The following AGBL1 variants were observed in gnomAD, a reference collection of about 807,000 sequenced individuals.
AGBL1 encodes AGBL carboxypeptidase 1.
A neutral mutation model predicts 118.9 loss-of-function variants in AGBL1; 130 were observed. The ratio of observed to expected loss-of-function variants is 1.09; its 90% CI spans 0.95 to 1.26. AGBL1 has a LOEUF of 1.26. Ranked by LOEUF, AGBL1 falls within the 50% of genes most tolerant of loss-of-function variation. The pLI is 0.00. For missense variants in AGBL1, 1,584 were observed against 1,298.1 expected (o/e 1.22, Z -3.38); for synonymous variants, 555 against 478.9 (o/e 1.16, Z -2.08).
chr15:86,817,039 C>T lies in AGBL1; in HGVS notation c.3159-90048C>T, dbSNP rs534487179. On this transcript the variant is annotated intron_variant, in intron 22 of 22. Coordinates refer to ENST00000614907, the MANE Select transcript of AGBL1 (RefSeq NM_001386094.1). ...CTCTTAAGCCTAAAACAAGGCATGG[C>T]GCTTTGGGAAGCTGAGGTGGGTAGA... Among the ~76,000 whole-genome samples, 5 of 152,086 alleles carry T rather than the reference C, an allele frequency of 3.3e-5. No homozygotes were observed. The East Asian group carries it at 5.8e-4, about 18-fold the overall frequency.
intron 22 of AGBL1, among the ~76,000 whole-genome samples, chr15:86,858,752 T>A (rs541103133): frequency 6.6e-6 from 1 of 152,200 alleles, no homozygotes; most frequent in East Asian, 1.9e-4. Flanking sequence ...TCATGAAGAA[T>A]CAGGAAACTT....
intron 22 of AGBL1, among the ~76,000 whole-genome samples, chr15:86,784,806 C>T (rs944524004): frequency 4.6e-5 from 7 of 152,102 alleles, no homozygotes; most frequent in Non-Finnish European, 1.0e-4. Context: ...TCCTACAAGG[C>T]ATTAGGTTCT....
intron 19 of AGBL1, among the ~76,000 whole-genome samples, chr15:86,535,452 C>T (rs2083412263): frequency 6.6e-6 from 1 of 152,226 alleles, no homozygotes; most frequent in Non-Finnish European, 1.5e-5. Context: ...TGCCATATTG[C>T]AGCTGGCCTG....
chr15:86,264,162 C>G, intron 10 of AGBL1, 96 bp from the exon 11 acceptor site: 1 of 1,043,142 alleles, frequency 9.6e-7, no homozygotes, highest in South Asian at 1.7e-5. Context: ...AGGATTTATG[C>G]TTAGCTCTGT....
intron 22 of AGBL1, among the ~76,000 whole-genome samples, chr15:86,802,325 G>A (rs575577608): frequency 4.1e-4 from 62 of 151,694 alleles, no homozygotes; most frequent in African/African-American, 1.4e-3. Context: ...ATTCTTGATG[G>A]CAGGGAATAT....
intron 1 of AGBL1, among the ~76,000 whole-genome samples, chr15:86,129,285 G>A (rs551476302): frequency 1.8e-4 from 28 of 152,234 alleles, no homozygotes; most frequent in Admixed American, 3.9e-4. Flanking sequence ...GTGTGTGTGC[G>A]TTTGTGTGTA....
intron 6 of AGBL1, among the ~76,000 whole-genome samples, chr15:86,245,611 T>C (rs1469607031): frequency 6.6e-6 from 1 of 152,224 alleles, no homozygotes; most frequent in Non-Finnish European, 1.5e-5. Context: ...AGAGGTATCT[T>C]GGACTGTTCT....
At position 86,369,997 on chromosome 15, in the gene AGBL1, G is replaced by A. The variant is rs190330259; in HGVS notation, c.2375-27369G>A. On this transcript the variant is annotated intron_variant, in intron 17 of 22. Transcript: ENST00000614907. ...CCGGGTCACAGAAGAAAAATTATCA[G>A]CAATTTAAAAAATCAATCACCGGTT... Among the ~76,000 whole-genome samples the A allele has an allele frequency of 1.4e-4, 21 of 152,154 alleles. 1 individual carries two copies. In the East Asian group the frequency reaches 3.7e-3, roughly 27 times the overall value.
At chr15:86,578,171 G>T (rs1050588345) in intron 21 of AGBL1, among the ~76,000 whole-genome samples, 1 of 152,210 alleles carries the variant, frequency 6.6e-6, no homozygotes, top group Non-Finnish European at 1.5e-5. Context: ...GTGCAGAGCT[G>T]CCCAAGACCA....
rs2141652665 is a variant in AGBL1, at chr15:86,143,692, C to T, written c.116-7C>T. 1 of 1,612,460 alleles carries T rather than the reference C, an allele frequency of 6.2e-7. No individual in the cohort carries two copies. The highest frequency in any genetic ancestry group is 1.1e-5 in the South Asian group (1 of 90,854). Reference sequence around the variant, plus strand: ...TGTGGCTCATCTTTCCTCCGGTTTCCCCTCAGGCACAGACCGGAGAATTCA... The same window carrying T: ...TGTGGCTCATCTTTCCTCCGGTTTCTCCTCAGGCACAGACCGGAGAATTCA... On this transcript the variant is annotated splice_region_variant and splice_polypyrimidine_tract_variant and intron_variant, in intron 2 of 22. Transcript: ENST00000614907.
intron 17 of AGBL1, among the ~76,000 whole-genome samples, chr15:86,378,712 C>A (rs2081071789): frequency 6.6e-6 from 1 of 151,996 alleles, no homozygotes; most frequent in Non-Finnish European, 1.5e-5. Context: ...ACCCATTTCA[C>A]AGCTGAACAA....
chr15:87,001,628 C>T (rs893928039), intron 24 of AGBL1, among the ~76,000 whole-genome samples: 5 of 152,068 alleles, frequency 3.3e-5, no homozygotes, highest in African/African-American at 1.2e-4. Context: ...TCTCCACATC[C>T]TCTCCAGCAC....
intron 22 of AGBL1, among the ~76,000 whole-genome samples, chr15:86,810,994 T>C (rs543283849): frequency 2.6e-5 from 4 of 152,174 alleles, no homozygotes; most frequent in Non-Finnish European, 5.9e-5. Context: ...GAGCAAAGTC[T>C]CAAGAGATTG....
At chr15:86,413,258 C>T (rs888666746) in intron 18 of AGBL1, among the ~76,000 whole-genome samples, 1 of 152,130 alleles carries the variant, frequency 6.6e-6, no homozygotes, top group Admixed American at 6.6e-5. Context: ...GAAGTCCAGG[C>T]CTAAAACTTT....
At chr15:86,150,814 C>G (rs2077097597) in intron 3 of AGBL1, among the ~76,000 whole-genome samples, 1 of 152,086 alleles carries the variant, frequency 6.6e-6, no homozygotes, top group South Asian at 2.1e-4. Flanking sequence ...AGAGACACAA[C>G]AAAAAGAATT....
At chr15:86,579,288 G>T (rs2084140984) in intron 21 of AGBL1, among the ~76,000 whole-genome samples, 1 of 152,148 alleles carries the variant, frequency 6.6e-6, no homozygotes, top group African/African-American at 2.4e-5. Context: ...ACTTAAAATG[G>T]CTAATTGGGA....
At chr15:86,664,294 T>C (rs1034594256) in intron 21 of AGBL1, among the ~76,000 whole-genome samples, 4 of 152,032 alleles carry the variant, frequency 2.6e-5, no homozygotes, top group African/African-American at 9.7e-5. Context: ...TTTGTTGGGG[T>C]CGATAAGTGG....
chr15:86,322,785 T>C (rs2080123449), intron 17 of AGBL1, among the ~76,000 whole-genome samples: 1 of 152,190 alleles, frequency 6.6e-6, no homozygotes, highest in African/African-American at 2.4e-5. Context: ...GTAGTGTGCA[T>C]TTGTACTGAA....
intron 1 of AGBL1, among the ~76,000 whole-genome samples, chr15:86,099,722 C>T (rs746517810): frequency 1.3e-5 from 2 of 152,060 alleles, no homozygotes; most frequent in African/African-American, 4.8e-5. Flanking sequence ...GTTGGTCAGG[C>T]TGGTCTTGAA....
Sources: gnomAD v4.1 joint callset for allele counts (sites outside exome capture counted in the v4.1 genomes callset) on GRCh38, gnomAD v4.1.1 for gene constraint, MANE v1.5 for transcripts, NCBI Gene and HGNC (gene_info 2026-07-23, HGNC 2026-07-21) for gene names.